Variants in ROCK1 observed in about 807,000 individuals in gnomAD.
ROCK1 encodes the protein rho-associated protein kinase 1.
A neutral mutation model predicts 196.8 loss-of-function variants in ROCK1; 36 were observed. The observed-to-expected ratio is 0.18, with a 90% CI of 0.14 to 0.24. ROCK1 has a LOEUF of 0.24. ROCK1 is among the 10% of genes least tolerant of loss of function. The pLI, the probability that ROCK1 is intolerant of heterozygous loss-of-function variation, is 1.00. For synonymous variants in ROCK1, 443 were observed against 515.9 expected, an observed-to-expected ratio of 0.86 and a Z score of 1.91; for missense variants, 920 against 1,562.0, an observed-to-expected ratio of 0.59 and a Z score of 6.93.
At chr18:21,092,359 A>T (rs564343986) in intron 1 of ROCK1, among the ~76,000 whole-genome samples, 1 of 152,202 alleles carries the variant, frequency 6.6e-6, no homozygotes, top group East Asian at 1.9e-4. Flanking sequence ...AGGTGGGAGG[A>T]TTGCTTGAGC....
intron 16 of ROCK1, among the ~76,000 whole-genome samples, chr18:20,993,408 A>G (rs751499746): frequency 3.9e-5 from 6 of 152,152 alleles, no homozygotes; most frequent in Non-Finnish European, 7.3e-5. Context: ...TCACCTTGTT[A>G]GCCAGGATGG....
At chr18:20,985,059 CCACTG>C (rs1433295239) in intron 19 of ROCK1, among the ~76,000 whole-genome samples, 5 of 151,834 alleles carry the variant, frequency 3.3e-5, no homozygotes, top group African/African-American at 9.7e-5. Flanking sequence ...CGAGATCACG[CCACTG>C]CACTCCAGCC....
chr18:21,031,315 T>G (rs2036004197), intron 9 of ROCK1, among the ~76,000 whole-genome samples: 2 of 151,964 alleles, frequency 1.3e-5, no homozygotes, highest in Non-Finnish European at 2.9e-5. Context: ...TAGAAAAATG[T>G]TAGAAACCAC....
intron 12 of ROCK1, among the ~76,000 whole-genome samples, chr18:21,017,576 G>GTACTA (rs2035874857): frequency 6.6e-6 from 1 of 152,104 alleles, no homozygotes; most frequent in South Asian, 2.1e-4. Context: ...GATTTATTCA[G>GTACTA]TACTATATTG....
chr18:21,109,205 G>A (rs750775793), intron 1 of ROCK1, among the ~76,000 whole-genome samples: 1 of 152,130 alleles, frequency 6.6e-6, no homozygotes, highest in African/African-American at 2.4e-5. Context: ...GTATATATGT[G>A]AGACAAGGTT....
At chr18:21,021,454 T>C (rs1329010972) in intron 11 of ROCK1, among the ~76,000 whole-genome samples, 6 of 150,976 alleles carry the variant, frequency 4.0e-5, no homozygotes, top group African/African-American at 1.5e-4. Flanking sequence ...ATATGGGAGG[T>C]AAAAAAGAGG....
At chr18:21,021,275 G>A (rs1222366173) in intron 11 of ROCK1, among the ~76,000 whole-genome samples, 1 of 152,170 alleles carries the variant, frequency 6.6e-6, no homozygotes, top group Non-Finnish European at 1.5e-5. Context: ...ACAGAAGAGA[G>A]AGAAAGATTC....
intron 1 of ROCK1, among the ~76,000 whole-genome samples, chr18:21,091,883 T>C (rs1460617935): frequency 6.7e-6 from 1 of 149,810 alleles, no homozygotes; most frequent in Non-Finnish European, 1.5e-5. Context: ...AGCCCAAGGA[T>C]CAGTTGAACC....
Position 21,067,404 on chromosome 18 carries a change from T to G in ROCK1, c.175+3128A>C, listed in dbSNP as rs1300321410. ...CACTCTTTTTTTTTTTTTTTTTTTT[T>G]GAGACAAAGTCTTGCTCTGTCGCCC... On this transcript the variant is annotated intron_variant, in intron 2 of 32. Coordinates refer to ENST00000399799, the MANE Select transcript of ROCK1 (RefSeq NM_005406.3). 1.8e-4 allele frequency among the ~76,000 whole-genome samples: 27 copies of G among 147,738 alleles called. No homozygotes were observed. In the East Asian group the frequency reaches 5.1e-3, roughly 28 times the overall value.
At chr18:21,027,798 G>A (rs1393986722) in intron 10 of ROCK1, among the ~76,000 whole-genome samples, 20 of 106,544 alleles carry the variant, frequency 1.9e-4, no homozygotes, top group African/African-American at 7.1e-4. Context: ...GTCTCGCTCT[G>A]TCGCCCAGGC....
At chr18:20,990,693 CAAAAAAAAAAAAAA>C (rs1170099682) in intron 18 of ROCK1, among the ~76,000 whole-genome samples, 19 of 22,584 alleles carry the variant, frequency 8.4e-4, no homozygotes, top group East Asian at 1.4e-3. Flanking sequence ...AACTTCGTCT[CAAAAAAAAAAAAAA>C]AAAAAAAAAA....
chr18:21,057,750 G>A (rs1009660601), intron 2 of ROCK1, among the ~76,000 whole-genome samples: 3 of 152,160 alleles, frequency 2.0e-5, no homozygotes, highest in African/African-American at 7.2e-5. Flanking sequence ...GAACTCAAGA[G>A]GTGGAGGTTG....
At chr18:20,957,538 T>C (rs2035255663) in intron 29 of ROCK1, among the ~76,000 whole-genome samples, 1 of 152,104 alleles carries the variant, frequency 6.6e-6, no homozygotes, top group African/African-American at 2.4e-5. Flanking sequence ...TGCAGTGCAG[T>C]GGCGCAATCT....
At chr18:21,086,387 C>G (rs1298728071) in intron 1 of ROCK1, among the ~76,000 whole-genome samples, 1 of 152,200 alleles carries the variant, frequency 6.6e-6, no homozygotes, top group East Asian at 1.9e-4. Flanking sequence ...GCTGAGATTA[C>G]AGGCGTGAGC....
rs1204396730 is a variant in ROCK1, at chr18:20,979,909, C to T, written c.2654+1G>A. ...CTTGTTCTAAAGTAAAATGGACATA[C>T]TTTTCATTTTGTAGTTCCTGTATTT... On this transcript the variant is annotated splice_donor_variant, in intron 22 of 32. Coordinates refer to ENST00000399799, the MANE Select transcript of ROCK1 (RefSeq NM_005406.3). LOFTEE classifies it high-confidence loss of function. 6.5e-7 allele frequency: 1 copy of T among 1,530,004 alleles called. No individual in the cohort carries two copies. The highest frequency in any genetic ancestry group is 8.8e-7 in the Non-Finnish European group (1 of 1,137,530). 94.8% of individuals were successfully genotyped at this position (1,530,004 alleles called of 1,614,324 possible).
At chr18:21,102,729 G>C (rs571595006) in intron 1 of ROCK1, among the ~76,000 whole-genome samples, 25 of 152,208 alleles carry the variant, frequency 1.6e-4, no homozygotes, top group African/African-American at 4.6e-4. Context: ...AGCCAGGCAT[G>C]GTGGCGCTTG....
At chr18:20,970,040 A>C (rs1390673029) in intron 23 of ROCK1, 1 of 193,726 alleles carries the variant, frequency 5.2e-6, no homozygotes, top group Non-Finnish European at 1.0e-5. Flanking sequence ...AGAGAACAAC[A>C]AATGAATTTA....
chr18:21,015,361 T>A, intron 13 of ROCK1, 70 bp downstream of exon 13: 1 of 1,021,754 alleles, frequency 9.8e-7, no homozygotes. Context: ...TACAATTTTC[T>A]CAGGAAACGA....
At position 21,092,734 on chromosome 18, in the gene ROCK1, T is replaced by G. The variant is rs574131150; in HGVS notation, c.93+18084A>C. ...TGGGAAACAAGACTTTTTCTTCAAT[T>G]CTCATATGGTGGAGCTGTGATGAAT... On this transcript the variant is annotated intron_variant, in intron 1 of 32. Coordinates refer to ENST00000399799, the MANE Select transcript of ROCK1 (RefSeq NM_005406.3). Among the ~76,000 whole-genome samples the G allele has an allele frequency of 9.2e-5, 14 of 152,292 alleles. 1 individual carries two copies. The South Asian group carries it at 2.7e-3, about 29-fold the overall frequency.
Sources: allele counts gnomAD v4.1 joint callset (sites outside exome capture counted in the v4.1 genomes callset), GRCh38; gene constraint gnomAD v4.1.1; transcripts MANE v1.5; gene names NCBI Gene and HGNC (gene_info 2026-07-23, HGNC 2026-07-21).